The following LIN7A variants were observed in gnomAD, a reference collection of about 807,000 sequenced individuals.
LIN7A encodes protein lin-7 homolog A.
In LIN7A, 25 loss-of-function variants were observed where a neutral mutation model predicts 29.8. The observed-to-expected ratio is 0.84, with a 90% confidence interval of 0.61 to 1.17. The LOEUF is 1.17. LIN7A is among the 50% of genes most tolerant of loss of function. The pLI, the probability that LIN7A is intolerant of heterozygous loss-of-function variation, is 0.00. For missense variants in LIN7A, 239 were observed against 287.0 expected (o/e 0.83, Z 1.21); for synonymous variants, 118 against 107.5 (o/e 1.10, Z -0.60).
chr12:80,830,089 A>T (rs1872272945), intron 4 of LIN7A, among the ~76,000 whole-genome samples: 1 of 152,176 alleles, frequency 6.6e-6, no homozygotes, highest in African/African-American at 2.4e-5. Context: ...AGGTCCAAAC[A>T]GGAGAACATG....
intron 2 of LIN7A, among the ~76,000 whole-genome samples, chr12:80,862,433 A>G (rs934322633): frequency 2.0e-5 from 3 of 152,200 alleles, no homozygotes; most frequent in Non-Finnish European, 4.4e-5. Context: ...GAGAAAATAC[A>G]TGGTTAGGTT....
intron 2 of LIN7A, among the ~76,000 whole-genome samples, chr12:80,851,001 C>A (rs958166336): frequency 6.6e-6 from 1 of 152,128 alleles, no homozygotes; most frequent in Admixed American, 6.6e-5. Context: ...GATGACCACA[C>A]AGCTAATTTG....
chr12:80,891,100 G>A (rs1426306939), intron 1 of LIN7A, among the ~76,000 whole-genome samples: 3 of 152,116 alleles, frequency 2.0e-5, no homozygotes, highest in Admixed American at 2.0e-4. Flanking sequence ...GTCGGCAAGT[G>A]CGGTAGATTC....
At chr12:80,832,634 A>G (rs1457731120) in intron 4 of LIN7A, 2 of 460,794 alleles carry the variant, frequency 4.3e-6, no homozygotes, top group Non-Finnish European at 8.9e-6. Flanking sequence ...ATGATGGCTT[A>G]TGGTAGCTTC....
chr12:80,808,217 T>C (rs1490409063), intron 5 of LIN7A, among the ~76,000 whole-genome samples: 1 of 152,230 alleles, frequency 6.6e-6, no homozygotes, highest in Admixed American at 6.5e-5. Flanking sequence ...TTCAGTCTCA[T>C]CTGCAATGTT....
At chr12:80,927,139 AT>A (rs1877632092) in intron 1 of LIN7A, among the ~76,000 whole-genome samples, 1 of 103,304 alleles carries the variant, frequency 9.7e-6, no homozygotes, top group South Asian at 3.1e-4. Flanking sequence ...ACAGTAAACT[AT>A]TTTCTTTTCT....
intron 2 of LIN7A, among the ~76,000 whole-genome samples, chr12:80,854,589 A>G (rs534272249): frequency 6.6e-6 from 1 of 151,740 alleles, no homozygotes; most frequent in South Asian, 2.1e-4. Flanking sequence ...AGGCTGCCAG[A>G]GGCTAAGGGT....
At chr12:80,807,990 G>C (rs1393585529) in intron 5 of LIN7A, among the ~76,000 whole-genome samples, 2 of 152,026 alleles carry the variant, frequency 1.3e-5, no homozygotes, top group African/African-American at 4.8e-5. Flanking sequence ...AGTGGCTTCC[G>C]GTGCAATAAA....
chr12:80,917,083 A>G (rs1565928274), intron 1 of LIN7A, among the ~76,000 whole-genome samples: 1 of 152,244 alleles, frequency 6.6e-6, no homozygotes, highest in African/African-American at 2.4e-5. Flanking sequence ...GATATGGTGG[A>G]TAATACTTCT....
At chr12:80,838,006 C>A (rs1376540509) in intron 4 of LIN7A, among the ~76,000 whole-genome samples, 2 of 151,990 alleles carry the variant, frequency 1.3e-5, no homozygotes, top group Non-Finnish European at 2.9e-5. Context: ...GCTAAAATAA[C>A]AGCACAAATA....
chr12:80,810,393 CTGTGTGTGTGTGTGTGTGTGTG>C (rs71094992), intron 5 of LIN7A, among the ~76,000 whole-genome samples: 3 of 146,916 alleles, frequency 2.0e-5, no homozygotes, highest in Admixed American at 6.8e-5. Context: ...TGGTATACAT[CTGTGTGTGTGTGTGTGTGTGTG>C]TGTGTGTGTG....
intron 3 of LIN7A, among the ~76,000 whole-genome samples, chr12:80,846,466 C>G (rs919538866): frequency 1.1e-4 from 17 of 151,718 alleles, no homozygotes; most frequent in Non-Finnish European, 2.2e-4. Context: ...CTTGCTATTG[C>G]CAACCCAAAA....
At chr12:80,811,336 T>G in intron 5 of LIN7A, 129 bp downstream of exon 5, 1 of 462,722 alleles carries the variant, frequency 2.2e-6, no homozygotes, top group Non-Finnish European at 3.8e-6. Flanking sequence ...AATCTAATGA[T>G]TTTGTTTCAG....
chr12:80,874,722 G>A (rs748118008), intron 2 of LIN7A, among the ~76,000 whole-genome samples: 1 of 152,144 alleles, frequency 6.6e-6, no homozygotes, highest in Admixed American at 6.5e-5. Flanking sequence ...GGTGGCTCAC[G>A]CCTGTAATCC....
In LIN7A at chr12:80,810,717, AG is replaced by A. The variant is rs1243679725; in HGVS notation, c.*747del. On this transcript the variant is annotated intron_variant, in intron 5 of 5. Coordinates refer to ENST00000552864, the MANE Select transcript of LIN7A (RefSeq NM_004664.4). Reference sequence around the variant, plus strand: ...TTTATATTCCCACCAACGGTGTACAAGGGTTCCCTTTTCTTCACATCCTCAC... The same window carrying A: ...TTTATATTCCCACCAACGGTGTACAAGGTTCCCTTTTCTTCACATCCTCAC... 2.0e-5 allele frequency among the ~76,000 whole-genome samples: 3 copies of A among 152,298 alleles called. No individual in the cohort carries two copies. The East Asian group carries it at 5.8e-4, about 29-fold the overall frequency.
At chr12:80,914,011 G>A (rs1876904776) in intron 1 of LIN7A, among the ~76,000 whole-genome samples, 2 of 152,156 alleles carry the variant, frequency 1.3e-5, no homozygotes, top group African/African-American at 4.8e-5. Flanking sequence ...ATTAAGTGCT[G>A]AGCTAAACTC....
chr12:80,863,346 T>C (rs967653326), intron 2 of LIN7A, among the ~76,000 whole-genome samples: 2 of 152,218 alleles, frequency 1.3e-5, no homozygotes, highest in African/African-American at 4.8e-5. Context: ...ACATACTTTG[T>C]TTATAGAGGT....
chr12:80,881,478 G>A (rs371125471), intron 2 of LIN7A, among the ~76,000 whole-genome samples: 3 of 151,742 alleles, frequency 2.0e-5, no homozygotes. Flanking sequence ...AACTTTGTGT[G>A]AAAAAATACA....
At chr12:80,930,261 C>G (rs1419702679) in intron 1 of LIN7A, among the ~76,000 whole-genome samples, 1 of 152,022 alleles carries the variant, frequency 6.6e-6, no homozygotes, top group Non-Finnish European at 1.5e-5. Context: ...TTCAATCCCT[C>G]ATGATTTTTT....
Sources: gnomAD v4.1 joint callset for allele counts (sites outside exome capture counted in the v4.1 genomes callset) on GRCh38, gnomAD v4.1.1 for gene constraint, MANE v1.5 for transcripts, NCBI Gene and HGNC (gene_info 2026-07-23, HGNC 2026-07-21) for gene names.